NFIB: variants seen among roughly 807,000 people sequenced by gnomAD.
The protein encoded by NFIB is nuclear factor 1 B-type.
Under a neutral mutation model 61.5 loss-of-function variants are expected in NFIB, and 11 were observed. That is an observed-to-expected ratio of 0.18 (90% CI 0.11 to 0.30). The LOEUF (loss-of-function observed/expected upper bound fraction) is 0.30, where lower values mean the gene tolerates loss of function less well. Ranked by LOEUF, NFIB falls within the 10% of genes least tolerant of loss-of-function variation. The pLI is 1.00. For missense variants in NFIB, 471 were observed against 608.9 expected (o/e 0.77, Z 2.38); for synonymous variants, 260 against 216.5 (o/e 1.20, Z -1.76).
At chr9:14,148,340 C>A (rs1251734957) in intron 5 of NFIB, among the ~76,000 whole-genome samples, 4 of 151,996 alleles carry the variant, frequency 2.6e-5, no homozygotes, top group Non-Finnish European at 5.9e-5. Flanking sequence ...TCTTGAACTC[C>A]TAGGTTCAAG....
At chr9:14,327,972 A>C (rs1438520829) in intron 1 of NFIB, among the ~76,000 whole-genome samples, 1 of 152,218 alleles carries the variant, frequency 6.6e-6, no homozygotes, top group African/African-American at 2.4e-5. Context: ...AAATTCAGGC[A>C]CATAGAATTT....
At chr9:14,354,092 G>T (rs530513644) in intron 1 of NFIB, among the ~76,000 whole-genome samples, 1 of 152,210 alleles carries the variant, frequency 6.6e-6, no homozygotes, top group African/African-American at 2.4e-5. Flanking sequence ...GATTGGGATT[G>T]ATTAAATCAC....
At chr9:14,515,458 G>A in the NFIB span, among the ~76,000 whole-genome samples, 4 of 152,210 alleles carry the variant, frequency 2.6e-5, no homozygotes, top group East Asian at 1.9e-4. Flanking sequence ...CCACTAACTC[G>A]GTAGGCAAGG....
chr9:14,308,518 C>T (rs1011743714), intron 1 of NFIB, among the ~76,000 whole-genome samples: 6 of 152,212 alleles, frequency 3.9e-5, no homozygotes, highest in Non-Finnish European at 5.9e-5. Flanking sequence ...TTCTAAACCT[C>T]TTAAAAATCA....
chr9:14,329,524 T>A (rs1239240668), intron 1 of NFIB, among the ~76,000 whole-genome samples: 2 of 152,042 alleles, frequency 1.3e-5, no homozygotes, highest in Non-Finnish European at 2.9e-5. Flanking sequence ...TTTTCTTTTT[T>A]TCTTTTTTAA....
chr9:14,136,402 G>A (rs528502564), intron 6 of NFIB, among the ~76,000 whole-genome samples: 1 of 152,190 alleles, frequency 6.6e-6, no homozygotes, highest in African/African-American at 2.4e-5. Context: ...TGGCTATGGA[G>A]TCTTATTAAT....
chr9:14,145,881 T>C (rs1386633293), intron 6 of NFIB, among the ~76,000 whole-genome samples: 2 of 152,048 alleles, frequency 1.3e-5, no homozygotes, highest in Non-Finnish European at 2.9e-5. Flanking sequence ...TTTTTTTTAA[T>C]GCAGAATTCT....
chr9:14,164,104 A>G (rs1172697504), intron 3 of NFIB, among the ~76,000 whole-genome samples: 1 of 151,966 alleles, frequency 6.6e-6, no homozygotes, highest in Admixed American at 6.6e-5. Flanking sequence ...GCTGAAATTA[A>G]CAGAATAGAA....
chr9:14,470,831 C>G, the NFIB span, among the ~76,000 whole-genome samples: 1 of 152,132 alleles, frequency 6.6e-6, no homozygotes, highest in Non-Finnish European at 1.5e-5. Flanking sequence ...TGTTGTAAGA[C>G]CTCAGTGTAA....
intron 2 of NFIB, among the ~76,000 whole-genome samples, chr9:14,265,491 A>G (rs1401118102): frequency 6.6e-6 from 1 of 152,238 alleles, no homozygotes; most frequent in African/African-American, 2.4e-5. Context: ...GCTGCCATCT[A>G]TAAGCCAAGA....
At chr9:14,395,097 T>A (rs2061667456) in intron 1 of NFIB, among the ~76,000 whole-genome samples, 1 of 152,098 alleles carries the variant, frequency 6.6e-6, no homozygotes, top group Admixed American at 6.5e-5. Flanking sequence ...ACTAGACTGG[T>A]GTCTGGTGGC....
intron 1 of NFIB, among the ~76,000 whole-genome samples, chr9:14,373,290 T>G (rs1272361951): frequency 6.6e-6 from 1 of 152,238 alleles, no homozygotes; most frequent in Non-Finnish European, 1.5e-5. Context: ...AATCTCTTAT[T>G]AGCATTTATG....
the NFIB span, among the ~76,000 whole-genome samples, chr9:14,477,307 A>G: frequency 6.6e-6 from 1 of 152,248 alleles, no homozygotes; most frequent in African/African-American, 2.4e-5. Context: ...TAGTATATAT[A>G]AAGTGAAAAT....
chr9:14,209,885 AT>A (rs34605639), intron 2 of NFIB, among the ~76,000 whole-genome samples: 14,709 of 148,034 alleles, frequency 0.099, 2,171 homozygotes, highest in African/African-American at 0.32. Context: ...TTTCCTGATT[AT>A]TTTTTTTTTT....
intron 2 of NFIB, among the ~76,000 whole-genome samples, chr9:14,189,571 G>T (rs887510115): frequency 6.8e-6 from 1 of 148,004 alleles, no homozygotes; most frequent in African/African-American, 2.5e-5. Context: ...GTTCTTTAAG[G>T]TTTAATTAGT....
chr9:14,159,484 T>C (rs1379154359), intron 3 of NFIB, among the ~76,000 whole-genome samples: 1 of 152,162 alleles, frequency 6.6e-6, no homozygotes, highest in Non-Finnish European at 1.5e-5. Context: ...CTATTAACCA[T>C]GTACCTATGG....
the NFIB span, among the ~76,000 whole-genome samples, chr9:14,486,618 G>A: frequency 2.0e-5 from 3 of 152,048 alleles, no homozygotes; most frequent in African/African-American, 7.2e-5. Context: ...AAGGAATTTG[G>A]TTGGATAGCA....
At chr9:14,397,119 T>TCC (rs1366782726) in intron 1 of NFIB, among the ~76,000 whole-genome samples, 1 of 152,198 alleles carries the variant, frequency 6.6e-6, no homozygotes, top group Non-Finnish European at 1.5e-5. Context: ...TTCTCACTCT[T>TCC]CTTCTTTAAG....
chr9:14,146,878 C>A, intron 5 of NFIB, 71 bp from the exon 6 acceptor site: 1 of 1,569,308 alleles, frequency 6.4e-7, no homozygotes, highest in African/African-American at 1.4e-5. Context: ...AGTAAATGAT[C>A]TGAGAAGATC....
Sources: allele counts gnomAD v4.1 joint callset (sites outside exome capture counted in the v4.1 genomes callset), GRCh38; gene constraint gnomAD v4.1.1; transcripts MANE v1.5; gene names NCBI Gene and HGNC (gene_info 2026-07-23, HGNC 2026-07-21).